Variants in CAPN14 observed in about 807,000 individuals in gnomAD.
CAPN14 encodes the protein calpain 14.
Under a neutral mutation model 101.3 loss-of-function variants are expected in CAPN14, and 94 were observed. The ratio of observed to expected loss-of-function variants is 0.93; its 90% CI spans 0.79 to 1.10. The LOEUF (loss-of-function observed/expected upper bound fraction) is 1.10, where lower values mean the gene tolerates loss of function less well. Ranked by LOEUF, CAPN14 falls within the 50% of genes least tolerant of loss-of-function variation. CAPN14 has a pLI of 0.00. For missense variants in CAPN14, 837 were observed against 828.4 expected (o/e 1.01, Z -0.13); for synonymous variants, 338 against 317.9 (o/e 1.06, Z -0.67).
chr2:31,194,356 A>G (rs140399169), intron 9 of CAPN14, 53 bp downstream of exon 9: 14,301 of 1,361,068 alleles, frequency 0.011, 108 homozygotes, highest in South Asian at 0.023. Flanking sequence ...TGTCTGCTGG[A>G]TGGGTTTTCA....
At chr2:31,213,374 C>T (rs1469712124) in intron 1 of CAPN14, among the ~76,000 whole-genome samples, 1 of 152,222 alleles carries the variant, frequency 6.6e-6, no homozygotes, top group Non-Finnish European at 1.5e-5. Context: ...AAACTACAGC[C>T]ACACTTATCT....
In CAPN14 at chr2:31,199,714, T is replaced by C. The variant is rs73921583; in HGVS notation, c.727-182A>G. Among the ~76,000 whole-genome samples the C allele has an allele frequency of 3.7e-3, 561 of 152,258 alleles. 1 individual carries two copies. Among genetic ancestry groups the C allele is most frequent in the African/African-American group, 0.013 (530 of 41,542 alleles). The stretch of plus-strand genomic sequence containing the variant: ...CCATAGTCTCATTCCACCCTCTCAT[T>C]AAGTGAGCCATTCTGCAGTGATCAT... On this transcript the variant is annotated intron_variant, in intron 6 of 21. Transcript: ENST00000403897.
intron 1 of CAPN14, among the ~76,000 whole-genome samples, chr2:31,232,365 T>C (rs1291517093): frequency 1.3e-5 from 2 of 152,212 alleles, no homozygotes; most frequent in Non-Finnish European, 2.9e-5. Flanking sequence ...GAGTCTGACC[T>C]CTTCTCCAAT....
At chr2:31,217,009 T>C (rs892010642) in intron 1 of CAPN14, among the ~76,000 whole-genome samples, 5 of 152,142 alleles carry the variant, frequency 3.3e-5, no homozygotes, top group Non-Finnish European at 7.4e-5. Flanking sequence ...ACTCTGAGGA[T>C]CCCATAAGGC....
rs201140422 is a variant in CAPN14, at chr2:31,197,304, C to T, written c.820G>A (p.Val274Ile). ...VTCKHRPEYL[V>I]KLRNPWGKVE... is the part of the protein sequence containing the mutation. Reference sequence around the variant, plus strand: ...TTTCCCCAGGGGTTCCGTAGCTTGACGAGATATTCAGGTCTATGTTTGCAG... The same window carrying T: ...TTTCCCCAGGGGTTCCGTAGCTTGATGAGATATTCAGGTCTATGTTTGCAG... Residue 274 changes from valine to isoleucine, a missense_variant, in exon 8 of 22, where the codon GTC becomes ATC. Transcript: ENST00000403897. 39 of 1,550,918 alleles carry T rather than the reference C, an allele frequency of 2.5e-5. No individual in the cohort carries two copies. Among genetic ancestry groups the T allele is most frequent in the East Asian group, 9.8e-5 (4 of 40,910 alleles).
chr2:31,191,821 C>T (rs1681196037), intron 11 of CAPN14, 114 bp downstream of exon 11: 3 of 1,076,876 alleles, frequency 2.8e-6, no homozygotes, highest in African/African-American at 3.2e-5. Context: ...ATTTGAAAAC[C>T]CAGGTCTGTG....
At chr2:31,220,205 C>A (rs1682821149), upstream of CAPN14, among the ~76,000 whole-genome samples, 1 of 151,986 alleles carries the variant, frequency 6.6e-6, no homozygotes, top group Non-Finnish European at 1.5e-5. Flanking sequence ...GTAAAAAAAT[C>A]CAGTTGAGGA....
intron 10 of CAPN14, among the ~76,000 whole-genome samples, chr2:31,192,468 C>T (rs1681243083): frequency 6.6e-6 from 1 of 152,212 alleles, no homozygotes; most frequent in Admixed American, 6.5e-5. Flanking sequence ...AAAACCTTAC[C>T]TTAAGGTCAG....
chr2:31,211,114 A>T (rs1682377052), intron 1 of CAPN14, among the ~76,000 whole-genome samples: 1 of 152,186 alleles, frequency 6.6e-6, no homozygotes. Flanking sequence ...CCTTAAACAG[A>T]AGATAAGAAT....
chr2:31,183,074 A>G (rs1455394434), intron 16 of CAPN14, among the ~76,000 whole-genome samples: 1 of 152,248 alleles, frequency 6.6e-6, no homozygotes, highest in African/African-American at 2.4e-5. Flanking sequence ...TGACAAAAAC[A>G]AACAATGGGG....
At chr2:31,227,978 T>A in intron 1 of CAPN14, among the ~76,000 whole-genome samples, 1 of 152,026 alleles carries the variant, frequency 6.6e-6, no homozygotes. Flanking sequence ...AGCCTTAAGG[T>A]ATGAGTGGGT....
At chr2:31,194,809 A>AAGTT (rs1681383426) in intron 8 of CAPN14, among the ~76,000 whole-genome samples, 1 of 152,212 alleles carries the variant, frequency 6.6e-6, no homozygotes, top group Non-Finnish European at 1.5e-5. Context: ...TAACATTTGA[A>AAGTT]CTTGCATTTT....
intron 15 of CAPN14, 35 bp from the exon 16 acceptor site, chr2:31,186,520 T>A: frequency 2.0e-6 from 3 of 1,508,868 alleles, no homozygotes; most frequent in Non-Finnish European, 2.7e-6. Flanking sequence ...AAAAAATAAC[T>A]GTTACTGAAG....
intron 17 of CAPN14, among the ~76,000 whole-genome samples, chr2:31,179,157 G>T (rs1488653876): frequency 6.7e-6 from 1 of 148,184 alleles, no homozygotes; most frequent in African/African-American, 2.5e-5. Flanking sequence ...ATGCCATGTT[G>T]GTTTGCTGCA....
rs1264210308 is a variant in CAPN14 at position 31,197,302 on chromosome 2, G to T, written c.822C>A (p.Val274=). The change falls in exon 8 of 22, where the codon GTC becomes GTA. Residue 274 remains valine, a synonymous_variant. Transcript: ENST00000403897. ...VTCKHRPEYL[V]KLRNPWGKVE... is the part of the protein sequence containing the mutation. ...CCTTTCCCCAGGGGTTCCGTAGCTT[G>T]ACGAGATATTCAGGTCTATGTTTGC... 2 of 1,551,038 alleles carry T rather than the reference G, an allele frequency of 1.3e-6. No individual in the cohort carries two copies. Among genetic ancestry groups the T allele is most frequent in the African/African-American group, 2.7e-5 (2 of 73,024 alleles).
intron 7 of CAPN14, 61 bp downstream of exon 7, chr2:31,199,409 T>C (rs1681637520): frequency 2.2e-6 from 3 of 1,358,782 alleles, no homozygotes; most frequent in South Asian, 1.3e-5. Context: ...CAAGATAAGC[T>C]AGGGTCCAGA....
chr2:31,187,424 A>C (rs1572399085), intron 15 of CAPN14, among the ~76,000 whole-genome samples: 7 of 117,348 alleles, frequency 6.0e-5, no homozygotes, highest in East Asian at 2.3e-4. Flanking sequence ...CATGCTCTGC[A>C]CCCCCCACCC....
At chr2:31,203,394 A>G (rs373553750) in intron 2 of CAPN14, among the ~76,000 whole-genome samples, 12 of 152,326 alleles carry the variant, frequency 7.9e-5, no homozygotes, top group African/African-American at 2.9e-4. Context: ...ACTTATACCA[A>G]AAATGCCTTT....
At chr2:31,201,140 C>T (rs982865673) in intron 5 of CAPN14, among the ~76,000 whole-genome samples, 6 of 122,182 alleles carry the variant, frequency 4.9e-5, no homozygotes, top group Non-Finnish European at 1.0e-4. Flanking sequence ...TATGTGTGGA[C>T]GTGTGTGTGT....
Sources: allele counts gnomAD v4.1 joint callset (sites outside exome capture counted in the v4.1 genomes callset), GRCh38; gene constraint gnomAD v4.1.1; transcripts MANE v1.5; gene names NCBI Gene and HGNC (gene_info 2026-07-23, HGNC 2026-07-21).